The following PHLPP2 variants were observed in gnomAD, a reference collection of about 807,000 sequenced individuals.
PHLPP2 encodes PH domain leucine-rich repeat-containing protein phosphatase 2.
A neutral mutation model predicts 124.9 loss-of-function variants in PHLPP2; 66 were observed. The ratio of observed to expected loss-of-function variants is 0.53; its 90% CI spans 0.43 to 0.65. The LOEUF is 0.65. Ranked by LOEUF, PHLPP2 falls within the 30% of genes least tolerant of loss-of-function variation. The pLI, the probability that PHLPP2 is intolerant of heterozygous loss-of-function variation, is 0.00. For missense variants in PHLPP2, 1,685 were observed against 1,600.4 expected, an observed-to-expected ratio of 1.05 and a Z score of -0.90; for synonymous variants, 681 against 624.7, an observed-to-expected ratio of 1.09 and a Z score of -1.34.
chr16:71,652,375 C>T (rs763082488), intron 18 of PHLPP2, among the ~76,000 whole-genome samples: 1 of 152,114 alleles, frequency 6.6e-6, no homozygotes, highest in Non-Finnish European at 1.5e-5. Flanking sequence ...AAAGAGAACA[C>T]CAGAGCATAC....
At chr16:71,684,670 A>G in intron 4 of PHLPP2, 69 bp from the exon 5 acceptor site, 1 of 1,419,756 alleles carries the variant, frequency 7.0e-7, no homozygotes, top group South Asian at 1.3e-5. Flanking sequence ...GCAAAAGGCA[A>G]TCACAAGACG....
rs749530612 is a variant in PHLPP2 at position 71,667,319 on chromosome 16, A to G, written c.1643T>C (p.Leu548Ser). 5 of 1,612,054 alleles carry G rather than the reference A, an allele frequency of 3.1e-6. No individual in the cohort carries two copies. In the East Asian group the frequency reaches 1.1e-4, roughly 36 times the overall value. The change falls in exon 12 of 19, where the codon TTG (leucine) becomes TCG (serine). Residue 548 changes from leucine to serine, a missense_variant. Transcript: ENST00000568954. ...TCCCAGCATCAGTTTTCTAAGACTC[A>G]AGCTACTCAGAATTCTAAGGGGGGA... ...TEVPVRILSS[L>S]SLRKLMLGHN...
At chr16:71,722,987 T>C (rs1291979277) in intron 1 of PHLPP2, among the ~76,000 whole-genome samples, 2 of 152,202 alleles carry the variant, frequency 1.3e-5, no homozygotes, top group Non-Finnish European at 2.9e-5. Context: ...ACATCTGTTT[T>C]CATATCCTCC....
chr16:71,694,342 T>C (rs1414900356), intron 3 of PHLPP2, among the ~76,000 whole-genome samples: 1 of 151,940 alleles, frequency 6.6e-6, no homozygotes, highest in Non-Finnish European at 1.5e-5. Flanking sequence ...ACACCTGTAA[T>C]CCCAGCTACT....
At chr16:71,691,342 T>A (rs1370845090) in intron 3 of PHLPP2, among the ~76,000 whole-genome samples, 2 of 151,978 alleles carry the variant, frequency 1.3e-5, no homozygotes, top group Non-Finnish European at 2.9e-5. Flanking sequence ...ACACCTATAG[T>A]CCCAGCTGCT....
At chr16:71,683,798 G>T (rs1567620860) in intron 5 of PHLPP2, among the ~76,000 whole-genome samples, 1 of 149,994 alleles carries the variant, frequency 6.7e-6, no homozygotes, top group Non-Finnish European at 1.5e-5. Flanking sequence ...CTTGTCTTTT[G>T]TTTTTTTTTC....
intron 4 of PHLPP2, 48 bp from the exon 5 acceptor site, chr16:71,684,649 C>G: frequency 6.5e-7 from 1 of 1,532,494 alleles, no homozygotes; most frequent in Non-Finnish European, 8.8e-7. Flanking sequence ...AAAAAAAATC[C>G]TAGTCAAAAA....
intron 3 of PHLPP2, among the ~76,000 whole-genome samples, chr16:71,697,541 CTG>C: frequency 6.6e-6 from 1 of 152,144 alleles, no homozygotes; most frequent in East Asian, 1.9e-4. Context: ...AATAATATGG[CTG>C]TGTTTTAGCC....
chr16:71,679,402 C>T lies in PHLPP2; in HGVS notation c.1024G>A (p.Gly342Ser). Residue 342 changes from glycine to serine, a missense_variant, in exon 7 of 19, where the codon GGC (glycine) becomes AGC (serine). Physicochemically the swap from Gly to Ser is moderately conservative, Grantham distance 56. Transcript: ENST00000568954. ...NGFHDLPSQI[G>S]NLLNLQTLCL... Reference sequence around the variant, plus strand: ...AAAGTTACTTACTTTAGCAGATTGCCAATTTGACTTGGTAGGTCATGAAAT... The same window carrying T: ...AAAGTTACTTACTTTAGCAGATTGCTAATTTGACTTGGTAGGTCATGAAAT... The T allele has an allele frequency of 1.9e-6, 3 of 1,613,786 alleles. No individual in the cohort carries two copies.
chr16:71,700,499 C>T, intron 3 of PHLPP2, among the ~76,000 whole-genome samples: 1 of 146,422 alleles, frequency 6.8e-6, no homozygotes, highest in Non-Finnish European at 1.5e-5. Context: ...ATAGTATGGG[C>T]TGTGTTTAGT....
chr16:71,705,893 A>C (rs2045270513), intron 2 of PHLPP2, among the ~76,000 whole-genome samples: 1 of 152,232 alleles, frequency 6.6e-6, no homozygotes, highest in African/African-American at 2.4e-5. Flanking sequence ...AAAACAAGTA[A>C]AATGAAGGAC....
At chr16:71,666,601 G>T (rs9302628) in intron 12 of PHLPP2, among the ~76,000 whole-genome samples, 5,686 of 152,234 alleles carry the variant, frequency 0.037, 354 homozygotes, top group African/African-American at 0.13. Context: ...GTACACATTA[G>T]GTAAACCTGA....
chr16:71,706,532 C>T (rs1175001561), intron 2 of PHLPP2, among the ~76,000 whole-genome samples: 1 of 152,132 alleles, frequency 6.6e-6, no homozygotes, highest in Non-Finnish European at 1.5e-5. Context: ...AAACTCAATC[C>T]TTGACTGCCT....
At position 71,647,139 on chromosome 16, in the gene PHLPP2, T is replaced by C. The variant is rs572791438; in HGVS notation, c.*1751A>G. ...AAAATGGCCCTACTTTATTTTTAAT[T>C]GTAAAAGTGTTCCAAAAATTCAAAG... is the stretch of plus-strand genomic sequence containing the variant. On this transcript the variant is annotated 3_prime_UTR_variant, in exon 19 of 19. Coordinates refer to ENST00000568954, the MANE Select transcript of PHLPP2 (RefSeq NM_015020.3). 3.9e-5 allele frequency: 6 copies of C among 152,768 alleles called. No homozygotes were observed. The highest frequency in any genetic ancestry group is 2.1e-4 in the South Asian group (1 of 4,826). The allele number at this position is 152,768 out of a possible 1,614,324, so 9.5% of individuals were successfully genotyped here. A position where few individuals can be genotyped will look rare whatever the true frequency, so the allele number is the denominator to read the frequency against.
chr16:71,648,727 C>T lies in PHLPP2; in HGVS notation c.*163G>A. Reference sequence around the variant, plus strand: ...CAGAGGCTGCAGTGACCCGAGACCCCACCATTGCACTCCAGCCTGAGCGAC... The same window carrying T: ...CAGAGGCTGCAGTGACCCGAGACCCTACCATTGCACTCCAGCCTGAGCGAC... On this transcript the variant is annotated 3_prime_UTR_variant, in exon 19 of 19. Transcript: ENST00000568954. The T allele has an allele frequency of 8.1e-6, 5 of 613,864 alleles. No homozygotes were observed. The Admixed American group carries it at 1.4e-4, about 18-fold the overall frequency. 38.0% of individuals were successfully genotyped at this position (613,864 alleles called of 1,614,324 possible).
Position 71,648,948 on chromosome 16 carries a change from G to C in PHLPP2, c.3914C>G (p.Pro1305Arg), listed in dbSNP as rs1308528583. Residue 1305 changes from proline (P) to arginine (R), a missense_variant, in exon 19 of 19, where the codon CCT becomes CGT. By Grantham distance (103) the Pro-to-Arg change is moderately radical. Coordinates refer to ENST00000568954, the MANE Select transcript of PHLPP2 (RefSeq NM_015020.3). ...MKQHQDSRLEPEPHEEDRTEP... is the reference protein window; with the variant it reads ...MKQHQDSRLEREPHEEDRTEP... ...GGTCCGATCCTCTTCATGGGGCTCA[G>C]GCTCGAGCCGGCTGTCCTGGTGCTG... 6.2e-7 allele frequency: 1 copy of C among 1,613,706 alleles called. No homozygotes were observed. The highest frequency in any genetic ancestry group is 2.2e-5 in the East Asian group (1 of 44,868).
rs374808170 is a variant in PHLPP2 at position 71,714,817 on chromosome 16, A to C, written c.-6-16T>G. 21 of 1,602,326 alleles carry C rather than the reference A, an allele frequency of 1.3e-5. No individual in the cohort carries two copies. The highest frequency in any genetic ancestry group is 1.6e-5 in the Non-Finnish European group (19 of 1,173,960). On this transcript the variant is annotated splice_polypyrimidine_tract_variant and intron_variant, in intron 1 of 18. Coordinates refer to ENST00000568954, the MANE Select transcript of PHLPP2 (RefSeq NM_015020.3). ...TCATATTTCTCTAAAAAATATCAAG[A>C]GAAAGAAATCGTTAGCTAGAACATC...
intron 6 of PHLPP2, among the ~76,000 whole-genome samples, chr16:71,680,972 C>G (rs2044991679): frequency 6.6e-6 from 1 of 152,128 alleles, no homozygotes; most frequent in Admixed American, 6.5e-5. Context: ...CTTTCTAAAA[C>G]AATTATCAGA....
chr16:71,651,134 T>C (rs572031866), intron 18 of PHLPP2, among the ~76,000 whole-genome samples: 8 of 152,084 alleles, frequency 5.3e-5, no homozygotes, highest in Admixed American at 6.5e-5. Flanking sequence ...GAGATGGGAG[T>C]TGGATACCAG....
Sources: allele counts gnomAD v4.1 joint callset (sites outside exome capture counted in the v4.1 genomes callset), GRCh38; gene constraint gnomAD v4.1.1; transcripts MANE v1.5; gene names NCBI Gene and HGNC (gene_info 2026-07-23, HGNC 2026-07-21).